ZNF880: variants seen among roughly 807,000 people sequenced by gnomAD.
The protein encoded by ZNF880 is zinc finger protein LOC400713.
ZNF880 carries 12 observed loss-of-function variants against 11.8 expected under a neutral mutation model. The ratio of observed to expected loss-of-function variants is 1.02; its 90% CI spans 0.65 to 1.65. The LOEUF (loss-of-function observed/expected upper bound fraction) is 1.65. Ranked by LOEUF, ZNF880 falls within the 40% of genes most tolerant of loss-of-function variation. The probability of loss-of-function intolerance (pLI) is 0.00; values close to 1 mark genes in which losing one functional copy is unlikely to be tolerated. For missense variants in ZNF880, 601 were observed against 673.9 expected (o/e 0.89, Z 1.20); for synonymous variants, 210 against 232.4 (o/e 0.90, Z 0.88).
At chr19:52,371,609 C>T (rs1986374116) in intron 1 of ZNF880, among the ~76,000 whole-genome samples, 2 of 152,126 alleles carry the variant, frequency 1.3e-5, no homozygotes, top group Admixed American at 1.3e-4. Flanking sequence ...CTCCTGACCT[C>T]AAATGATCCA....
intron 3 of ZNF880, among the ~76,000 whole-genome samples, chr19:52,383,451 T>TA (rs1203316916): frequency 6.6e-6 from 1 of 152,216 alleles, no homozygotes; most frequent in Admixed American, 6.5e-5. Flanking sequence ...TAGCCTGCTA[T>TA]AAAGGGTATA....
downstream of ZNF880, among the ~76,000 whole-genome samples, chr19:52,388,281 A>ATTTTTTTTTTTTTTT (rs1298446341): frequency 1.3e-4 from 5 of 38,900 alleles, no homozygotes; most frequent in Non-Finnish European, 1.9e-4. Flanking sequence ...GGCAATTTGA[A>ATTTTTTTTTTTTTTT]CTTTTTTTTT....
the ZNF880 span, among the ~76,000 whole-genome samples, chr19:52,394,234 G>GATT: frequency 4.0e-5 from 6 of 151,750 alleles, no homozygotes; most frequent in South Asian, 2.1e-4. Context: ...AAATATACAA[G>GATT]ATTATTATTA....
Position 52,370,082 on chromosome 19 carries a change from C to T in ZNF880, c.12+105C>T, listed in dbSNP as rs996481050. On this transcript the variant is annotated intron_variant, in intron 1 of 3. Transcript: ENST00000422689. ...CAGACCTTGAAATCCCCGCATCGCT[C>T]CCTCCACCCCGACTAAACTCAGACG... is the stretch of plus-strand genomic sequence containing the variant. 3 of 1,400,190 alleles carry T rather than the reference C, an allele frequency of 2.1e-6. No homozygotes were observed. The Admixed American group carries it at 5.9e-5, about 28-fold the overall frequency. The allele number at this position is 1,400,190 out of a possible 1,614,324, so 86.7% of individuals were successfully genotyped here.
the ZNF880 span, among the ~76,000 whole-genome samples, chr19:52,395,168 TC>T: frequency 6.6e-6 from 1 of 152,160 alleles, no homozygotes; most frequent in Non-Finnish European, 1.5e-5. Context: ...TTCCTCAGCC[TC>T]CCAAAGCACT....
intron 1 of ZNF880, among the ~76,000 whole-genome samples, chr19:52,372,899 G>C (rs1986425019): frequency 8.3e-6 from 1 of 120,478 alleles, no homozygotes; most frequent in Admixed American, 1.1e-4. Context: ...GACAGAGCGA[G>C]ACTCCGTCTC....
At chr19:52,377,000 A>G (rs1484975070) in intron 3 of ZNF880, among the ~76,000 whole-genome samples, 2 of 152,056 alleles carry the variant, frequency 1.3e-5, no homozygotes, top group Admixed American at 6.6e-5. Context: ...ATCATGATGG[A>G]CAACACCCTG....
rs1568665055 is a variant in ZNF880, at chr19:52,384,433, AATC to A, written c.858_860del (p.His287del). ...CTTCACTCAAAATTCTCACCTTGCAAATCATCACAGAATCCACACTGGAGAGAA... is the reference window on the plus strand; with the variant it reads ...CTTCACTCAAAATTCTCACCTTGCAAATCACAGAATCCACACTGGAGAGAA... On this transcript the variant is annotated inframe_deletion, in exon 4 of 4. Transcript: ENST00000422689. 8 of 1,527,934 alleles carry A rather than the reference AATC, an allele frequency of 5.2e-6. No individual in the cohort carries two copies. Among genetic ancestry groups the A allele is most frequent in the East Asian group, 2.4e-5 (1 of 41,624 alleles). The allele number at this position is 1,527,934 out of a possible 1,614,324, so 94.6% of individuals were successfully genotyped here.
At chr19:52,381,946 G>A (rs576350900) in intron 3 of ZNF880, among the ~76,000 whole-genome samples, 1 of 152,194 alleles carries the variant, frequency 6.6e-6, no homozygotes, top group African/African-American at 2.4e-5. Flanking sequence ...AAGCTTCTGA[G>A]AAAAAGCAGG....
At chr19:52,369,916 C>A, upstream of ZNF880, 2 of 1,551,452 alleles carry the variant, frequency 1.3e-6, no homozygotes, top group Non-Finnish European at 1.7e-6. Flanking sequence ...CTCTCAGCTG[C>A]GCGCGCAGTT....
At chr19:52,377,652 C>T (rs1377515873) in intron 3 of ZNF880, among the ~76,000 whole-genome samples, 2 of 152,084 alleles carry the variant, frequency 1.3e-5, no homozygotes, top group Non-Finnish European at 2.9e-5. Flanking sequence ...GGGTGGCCCA[C>T]AGAACTCAGT....
At chr19:52,392,753 C>G in the ZNF880 span, 1 of 228,512 alleles carries the variant, frequency 4.4e-6, no homozygotes, top group African/African-American at 2.3e-5. Flanking sequence ...CAAAAAAATC[C>G]AGATGGGAGG....
At chr19:52,376,573 G>C (rs1486306913) in intron 3 of ZNF880, among the ~76,000 whole-genome samples, 1 of 128,738 alleles carries the variant, frequency 7.8e-6, no homozygotes, top group Non-Finnish European at 1.6e-5. Context: ...GCAATGGCAT[G>C]ATCTCGGCCC....
rs1332900918 is a variant in ZNF880 at position 52,383,780 on chromosome 19, GTCTC to G, written c.269-65_269-62del. 12 of 1,435,874 alleles carry G rather than the reference GTCTC, an allele frequency of 8.4e-6. No homozygotes were observed. The African/African-American group carries it at 1.3e-4, about 16-fold the overall frequency. The allele number at this position is 1,435,874 out of a possible 1,614,324, so 88.9% of individuals were successfully genotyped here. A position where few individuals can be genotyped will look rare whatever the true frequency, so the allele number is the denominator to read the frequency against. On this transcript the variant is annotated intron_variant, in intron 3 of 3. Transcript: ENST00000422689. ...TCTGAGTCAGGTGAGGCAGAATCTA[GTCTC>G]TCTGTCAGACACTGAACATGCCATT...
chr19:52,366,872 T>C, upstream of ZNF880: 4 of 870,248 alleles, frequency 4.6e-6, no homozygotes, highest in Non-Finnish European at 5.2e-6. Flanking sequence ...TTAGTTTGCA[T>C]TGAAGCCTCA....
upstream of ZNF880, among the ~76,000 whole-genome samples, chr19:52,368,218 T>A (rs28451367): frequency 0.13 from 873 of 6,690 alleles, 101 homozygotes; most frequent in Middle Eastern, 0.38. Context: ...AAAAAAAAAA[T>A]AATAATAATA....
chr19:52,375,483 C>T (rs1054141474), intron 3 of ZNF880, among the ~76,000 whole-genome samples: 13 of 151,970 alleles, frequency 8.6e-5, no homozygotes, highest in Admixed American at 7.2e-4. Context: ...TGAGCCACTG[C>T]TCCCGGGCAT....
At chr19:52,390,114 T>C (rs770101063), downstream of ZNF880, 4 of 159,216 alleles carry the variant, frequency 2.5e-5, no homozygotes, top group Non-Finnish European at 4.2e-5. Context: ...AGAGGTTTAA[T>C]GGACACAGTT....
upstream of ZNF880, among the ~76,000 whole-genome samples, chr19:52,369,277 G>A (rs371601051): frequency 4.8e-5 from 7 of 146,890 alleles, no homozygotes; most frequent in African/African-American, 1.5e-4. Context: ...CAGGAGAATC[G>A]CTTGAACCCA....
Sources: allele counts gnomAD v4.1 joint callset (sites outside exome capture counted in the v4.1 genomes callset), GRCh38; gene constraint gnomAD v4.1.1; transcripts MANE v1.5; gene names NCBI Gene and HGNC (gene_info 2026-07-23, HGNC 2026-07-21).